Variants in LOC128706665 observed in about 807,000 individuals in gnomAD.
the LOC128706665 span, among the ~76,000 whole-genome samples, chr20:10,414,560 C>T: frequency 1.3e-5 from 2 of 152,018 alleles, no homozygotes; most frequent in South Asian, 2.1e-4. Context: ...CCACTGTGCC[C>T]GGCAAGTCTC....
chr20:10,418,596 T>C, the LOC128706665 span, among the ~76,000 whole-genome samples: 1 of 152,154 alleles, frequency 6.6e-6, no homozygotes, highest in South Asian at 2.1e-4. Flanking sequence ...TTTTAACTAT[T>C]GCTGCACTGG....
the LOC128706665 span, among the ~76,000 whole-genome samples, chr20:10,428,149 C>G: frequency 6.6e-6 from 1 of 152,216 alleles, no homozygotes; most frequent in Non-Finnish European, 1.5e-5. Flanking sequence ...GAAGTGAAAA[C>G]TAGCTTACCA....
the LOC128706665 span, among the ~76,000 whole-genome samples, chr20:10,420,131 A>C: frequency 2.0e-5 from 3 of 152,206 alleles, no homozygotes; most frequent in Admixed American, 6.5e-5. Context: ...GTCAAGCTAA[A>C]ATAGTTGATG....
At chr20:10,424,011 A>G in the LOC128706665 span, among the ~76,000 whole-genome samples, 1 of 152,150 alleles carries the variant, frequency 6.6e-6, no homozygotes, top group African/African-American at 2.4e-5. Flanking sequence ...GCAAGTAACT[A>G]TTTTCTGACA....
chr20:10,427,904 T>C, the LOC128706665 span, among the ~76,000 whole-genome samples: 1 of 152,224 alleles, frequency 6.6e-6, no homozygotes, highest in Non-Finnish European at 1.5e-5. Context: ...GCTTGACCTA[T>C]ATCCAAGAGC....
chr20:10,416,666 C>A, the LOC128706665 span, among the ~76,000 whole-genome samples: 1 of 152,124 alleles, frequency 6.6e-6, no homozygotes, highest in African/African-American at 2.4e-5. Flanking sequence ...TTTGGGGTAA[C>A]TGAATAGTTG....
chr20:10,422,726 T>G, the LOC128706665 span, among the ~76,000 whole-genome samples: 230 of 151,926 alleles, frequency 1.5e-3, 1 homozygote, highest in African/African-American at 5.3e-3. Context: ...TTTTTTTTTT[T>G]TGTGAGACAG....
chr20:10,423,343 C>T, the LOC128706665 span, among the ~76,000 whole-genome samples: 23 of 152,102 alleles, frequency 1.5e-4, no homozygotes, highest in Middle Eastern at 3.4e-3. Flanking sequence ...ATCGCTTGGA[C>T]CTTGGGAGGC....
At chr20:10,432,977 G>A in the LOC128706665 span, among the ~76,000 whole-genome samples, 2 of 152,158 alleles carry the variant, frequency 1.3e-5, no homozygotes, top group Admixed American at 6.5e-5. Flanking sequence ...GTTCAGTACA[G>A]ATGTAACCAT....
the LOC128706665 span, among the ~76,000 whole-genome samples, chr20:10,427,131 C>G: frequency 3.3e-5 from 5 of 151,178 alleles, no homozygotes; most frequent in African/African-American, 1.2e-4. Context: ...ACTTCCCAAA[C>G]AGCTGGATCT....
At chr20:10,429,502 C>T in the LOC128706665 span, among the ~76,000 whole-genome samples, 22 of 152,172 alleles carry the variant, frequency 1.4e-4, no homozygotes, top group African/African-American at 3.9e-4. Context: ...TTGAACTAAC[C>T]GTCCCCACAA....
chr20:10,419,094 A>C, the LOC128706665 span, among the ~76,000 whole-genome samples: 5 of 152,176 alleles, frequency 3.3e-5, no homozygotes, highest in Non-Finnish European at 7.4e-5. Flanking sequence ...TAATTATACC[A>C]AAAGTCAAAA....
At chr20:10,421,619 G>A in the LOC128706665 span, among the ~76,000 whole-genome samples, 1 of 152,054 alleles carries the variant, frequency 6.6e-6, no homozygotes, top group Non-Finnish European at 1.5e-5. Flanking sequence ...CAGAATGAAT[G>A]TAATGCCATT....
chr20:10,426,399 T>C, the LOC128706665 span, among the ~76,000 whole-genome samples: 1 of 150,418 alleles, frequency 6.6e-6, no homozygotes, highest in East Asian at 2.0e-4. Context: ...GCATCATGCC[T>C]GGCATGTTGT....
chr20:10,431,146 C>T, the LOC128706665 span, among the ~76,000 whole-genome samples: 2 of 152,088 alleles, frequency 1.3e-5, no homozygotes, highest in Non-Finnish European at 2.9e-5. Context: ...AGTATATTAT[C>T]TTATACGAAT....
chr20:10,432,614 G>A, the LOC128706665 span, among the ~76,000 whole-genome samples: 2 of 151,976 alleles, frequency 1.3e-5, no homozygotes, highest in Non-Finnish European at 1.5e-5. Flanking sequence ...CCAACATGGC[G>A]AAACACCATC....
the LOC128706665 span, chr20:10,413,818 G>A: frequency 1.9e-6 from 1 of 516,256 alleles, no homozygotes; most frequent in South Asian, 3.4e-5. Context: ...TATGTTCCAA[G>A]ATGGACACCT....
At chr20:10,425,505 T>C in the LOC128706665 span, among the ~76,000 whole-genome samples, 1 of 152,220 alleles carries the variant, frequency 6.6e-6, no homozygotes, top group Non-Finnish European at 1.5e-5. Flanking sequence ...CCTTGACTTT[T>C]AGAAAGGTTC....
At chr20:10,429,522 A>G in the LOC128706665 span, among the ~76,000 whole-genome samples, 1 of 151,746 alleles carries the variant, frequency 6.6e-6, no homozygotes, top group Non-Finnish European at 1.5e-5. Flanking sequence ...AATAGTCTCA[A>G]TTCATCTCAT....
Sources: gnomAD v4.1 joint callset for allele counts (sites outside exome capture counted in the v4.1 genomes callset) on GRCh38, gnomAD v4.1.1 for gene constraint, MANE v1.5 for transcripts.